Variants in TPGS2 observed in about 807,000 individuals in gnomAD.
TPGS2 encodes the protein tubulin polyglutamylase complex subunit 2, also known as polyglutamylase subunit 2.
TPGS2 carries 26 observed loss-of-function variants against 31.1 expected under a neutral mutation model. The ratio of observed to expected loss-of-function variants is 0.84; its 90% confidence interval spans 0.61 to 1.16. The LOEUF (loss-of-function observed/expected upper bound fraction) is 1.16, where lower values mean the gene tolerates loss of function less well. TPGS2 is among the 50% of genes most tolerant of loss of function. TPGS2 has a pLI of 0.00. For missense variants in TPGS2, 351 were observed against 363.8 expected (o/e 0.96, Z 0.29); for synonymous variants, 130 against 136.6 (o/e 0.95, Z 0.34).
rs1600736140 is a variant in TPGS2 at position 36,794,809 on chromosome 18, T to C, written c.*1996A>G. On this transcript the variant is annotated 3_prime_UTR_variant, in exon 7 of 7. Transcript: ENST00000334295. ...GGGCCAAAATGTCTCCTAGAGAATA[T>C]GTGACAGTCATGTTATGGTTAAAAC... 1.2e-5 allele frequency: 12 copies of C among 982,914 alleles called. No individual in the cohort carries two copies. The highest frequency in any genetic ancestry group is 1.4e-5 in the Non-Finnish European group (12 of 829,766). The allele number at this position is 982,914 out of a possible 1,614,324, so 60.9% of individuals were successfully genotyped here. A position where few individuals can be genotyped will look rare whatever the true frequency, so the allele number is the denominator to read the frequency against.
chr18:36,789,099 G>A (rs75943225), intron 6 of TPGS2: 1 of 152,132 alleles, frequency 6.6e-6, no homozygotes, highest in Non-Finnish European at 1.5e-5. Context: ...AGCCCACTCT[G>A]CAGCTAAAAT....
At chr18:36,791,984 C>T (rs142030841), downstream of TPGS2, among the ~76,000 whole-genome samples, 6,646 of 149,034 alleles carry the variant, frequency 0.045, 247 homozygotes, top group Non-Finnish European at 0.062. Flanking sequence ...GCCATGATTG[C>T]GCCACTGCAC....
chr18:36,807,244 C>T (rs1439023875), intron 3 of TPGS2, among the ~76,000 whole-genome samples: 2 of 152,134 alleles, frequency 1.3e-5, no homozygotes, highest in African/African-American at 4.8e-5. Context: ...CCTTTTATGC[C>T]TACATAGTAC....
intron 2 of TPGS2, chr18:36,818,686 G>T: frequency 2.1e-6 from 1 of 487,500 alleles, no homozygotes. Flanking sequence ...GGAGAGTGGG[G>T]CTCAGGGGAA....
chr18:36,828,867 T>C lies in TPGS2; in HGVS notation c.-100A>G. On this transcript the variant is annotated 5_prime_UTR_variant, in exon 1 of 7. Transcript: ENST00000334295. ...CATGGCATGCCGGGAACGGTAGTTC[T>C]CGGCGCCTGAAAGCGCGGCGCAGTG... 1 of 1,429,188 alleles carries C rather than the reference T, an allele frequency of 7.0e-7. No homozygotes were observed. Among genetic ancestry groups the C allele is most frequent in the East Asian group, 2.3e-5 (1 of 42,630 alleles). 88.5% of individuals were successfully genotyped at this position (1,429,188 alleles called of 1,614,324 possible).
At position 36,828,879 on chromosome 18, in the gene TPGS2, A is replaced by G; in HGVS notation, c.-112T>C. On this transcript the variant is annotated 5_prime_UTR_variant, in exon 1 of 7. Coordinates refer to ENST00000334295, the MANE Select transcript of TPGS2 (RefSeq NM_015476.4). ...GGAACGGTAGTTCTCGGCGCCTGAA[A>G]GCGCGGCGCAGTGATGATGGGGGCC... is the stretch of plus-strand genomic sequence containing the variant. 7.5e-7 allele frequency: 1 copy of G among 1,333,274 alleles called. No individual in the cohort carries two copies. Among genetic ancestry groups the G allele is most frequent in the Non-Finnish European group, 1.0e-6 (1 of 972,880 alleles). 82.6% of individuals were successfully genotyped at this position (1,333,274 alleles called of 1,614,324 possible).
intron 2 of TPGS2, among the ~76,000 whole-genome samples, chr18:36,811,395 A>G (rs1451055689): frequency 6.6e-6 from 1 of 152,194 alleles, no homozygotes; most frequent in Non-Finnish European, 1.5e-5. Context: ...AAGGTAGCAT[A>G]CTTTTTCCAA....
chr18:36,826,404 CTGTG>C lies in TPGS2; in HGVS notation c.85+2275_85+2278del, dbSNP rs34742069. Among the ~76,000 whole-genome samples, 1,344 of 146,218 alleles carry C rather than the reference CTGTG, an allele frequency of 9.2e-3. 5 individuals are homozygous for C. The highest frequency in any genetic ancestry group is 0.044 in the East Asian group (221 of 5,036). On this transcript the variant is annotated intron_variant, in intron 1 of 6. Transcript: ENST00000334295. Reference sequence around the variant, plus strand: ...GGATTGTTCATTGCTGGTGTATAGGCTGTGTGTGTGTGTGTGTGTGTGTGTGTGT... The same window carrying C: ...GGATTGTTCATTGCTGGTGTATAGGCTGTGTGTGTGTGTGTGTGTGTGTGT...
chr18:36,796,782 TAGGGAGTTGG>T lies in TPGS2; in HGVS notation c.*13_*22del, dbSNP rs1568000263. Reference sequence around the variant, plus strand: ...ATGGAAACCACCACTCTGGAGCTGGTAGGGAGTTGGAGGGAGGGGTGCTCACTTCCGGGTG... The same window carrying T: ...ATGGAAACCACCACTCTGGAGCTGGTAGGGAGGGGTGCTCACTTCCGGGTG... On this transcript the variant is annotated 3_prime_UTR_variant, in exon 7 of 7. Coordinates refer to ENST00000334295, the MANE Select transcript of TPGS2 (RefSeq NM_015476.4). The T allele has an allele frequency of 1.3e-6, 2 of 1,583,680 alleles. No individual in the cohort carries two copies. The highest frequency in any genetic ancestry group is 2.0e-5 in the Admixed American group (1 of 50,720).
rs993910092 is a variant in TPGS2 at position 36,821,347 on chromosome 18, G to T, written c.86-2374C>A. Among the ~76,000 whole-genome samples, 4 of 152,048 alleles carry T rather than the reference G, an allele frequency of 2.6e-5. No individual in the cohort carries two copies. In the East Asian group the frequency reaches 7.7e-4, roughly 29 times the overall value. ...CCAGTCCCAGCTGCTATCTAACTGC[G>T]ACCACTTGAGAGACCCCAAATGAGA... On this transcript the variant is annotated intron_variant, in intron 1 of 6. Transcript: ENST00000334295.
chr18:36,802,874 C>A (rs73433602), intron 4 of TPGS2, among the ~76,000 whole-genome samples: 31,204 of 152,034 alleles, frequency 0.21, 3,493 homozygotes, highest in African/African-American at 0.29. Flanking sequence ...GATTCGCCCC[C>A]CTCGGCCTCC....
rs2045251612 is a variant in TPGS2, at chr18:36,808,077, AGAG to A, written c.166-146_166-144del. Reference sequence around the variant, plus strand: ...TGATAGTCACCTACAAAACTCTATTAGAGAGGCACTGGGGTCTTGCAAGCAGAG... The same window carrying A: ...TGATAGTCACCTACAAAACTCTATTAAGGCACTGGGGTCTTGCAAGCAGAG... On this transcript the variant is annotated intron_variant, in intron 2 of 6. Transcript: ENST00000334295. The A allele has an allele frequency of 3.8e-6, 3 of 780,916 alleles. No individual in the cohort carries two copies. In the East Asian group the frequency reaches 8.0e-5, roughly 21 times the overall value. 48.4% of individuals were successfully genotyped at this position (780,916 alleles called of 1,614,324 possible).
At chr18:36,811,302 G>C (rs1806186611) in intron 2 of TPGS2, among the ~76,000 whole-genome samples, 1 of 152,178 alleles carries the variant, frequency 6.6e-6, no homozygotes, top group African/African-American at 2.4e-5. Flanking sequence ...GAGGTGGAGG[G>C]CTTGGTTAAC....
rs199728198 is a variant in TPGS2, at chr18:36,800,287, G to T, written c.407C>A (p.Pro136His). The change falls in exon 5 of 7, where the codon CCT (proline) becomes CAT (histidine). Residue 136 changes from proline to histidine, a missense_variant. Pro to His is a moderately conservative substitution (Grantham distance 77). Transcript: ENST00000334295. The part of the protein sequence containing the change: ...HEASDDQPEK[P>H]HFDSRSVIFE... The stretch of plus-strand genomic sequence containing the variant: ...TATCACACTGCGAGAGTCAAAGTGA[G>T]GCTTCTCTGGCTGATCATCACTGGC... 42 of 1,614,006 alleles carry T rather than the reference G, an allele frequency of 2.6e-5. No homozygotes were observed. Among genetic ancestry groups the T allele is most frequent in the Non-Finnish European group, 3.3e-5 (39 of 1,180,004 alleles).
intron 4 of TPGS2, 50 bp from the exon 5 acceptor site, chr18:36,800,361 A>C: frequency 6.6e-7 from 1 of 1,515,906 alleles, no homozygotes; most frequent in Non-Finnish European, 9.2e-7. Flanking sequence ...CAACTCAAAC[A>C]CATACCTATA....
At chr18:36,806,472 T>G (rs780523026) in intron 3 of TPGS2, among the ~76,000 whole-genome samples, 1 of 152,192 alleles carries the variant, frequency 6.6e-6, no homozygotes, top group Non-Finnish European at 1.5e-5. Flanking sequence ...AAGGTTCTGA[T>G]GCTGGTGACA....
At chr18:36,788,727 A>G (rs2044208958) in intron 6 of TPGS2, 1 of 152,054 alleles carries the variant, frequency 6.6e-6, no homozygotes, top group Non-Finnish European at 1.5e-5. Flanking sequence ...TTAAATTTTA[A>G]ATTTTTGTGG....
chr18:36,797,156 C>A (rs910206715), intron 6 of TPGS2, 106 bp from the exon 7 acceptor site: 2 of 1,548,932 alleles, frequency 1.3e-6, no homozygotes, highest in African/African-American at 1.4e-5. Context: ...GGCAGAGGTA[C>A]ATTTTCATGA....
downstream of TPGS2, chr18:36,781,968 G>A: frequency 1.0e-6 from 1 of 978,704 alleles, no homozygotes. Context: ...TTTTCCATAT[G>A]CTTCTAAATA....
Sources: gnomAD v4.1 joint callset for allele counts (sites outside exome capture counted in the v4.1 genomes callset) on GRCh38, gnomAD v4.1.1 for gene constraint, MANE v1.5 for transcripts, NCBI Gene and HGNC (gene_info 2026-07-23, HGNC 2026-07-21) for gene names.